The following UST variants were observed in gnomAD, a reference collection of about 807,000 sequenced individuals.
UST encodes uronyl 2-sulfotransferase.
UST carries 21 observed loss-of-function variants against 45.6 expected under a neutral mutation model. The observed-to-expected ratio is 0.46, with a 90% CI of 0.33 to 0.66. UST has a LOEUF of 0.66. Ranked by LOEUF, UST falls within the 30% of genes least tolerant of loss-of-function variation. UST has a pLI of 0.02. For missense variants in UST, 463 were observed against 512.4 expected, an observed-to-expected ratio of 0.90 and a Z score of 0.93; for synonymous variants, 215 against 200.6, an observed-to-expected ratio of 1.07 and a Z score of -0.61.
At chr6:148,896,155 T>C (rs1476268496) in intron 2 of UST, among the ~76,000 whole-genome samples, 1 of 152,240 alleles carries the variant, frequency 6.6e-6, no homozygotes, top group Non-Finnish European at 1.5e-5. Flanking sequence ...AGTCCCCATT[T>C]CCCGGAGGGC....
chr6:148,888,076 G>C (rs529973214), intron 2 of UST, among the ~76,000 whole-genome samples: 2 of 152,126 alleles, frequency 1.3e-5, no homozygotes, highest in Non-Finnish European at 2.9e-5. Flanking sequence ...AATTCCACAG[G>C]CTGTATAGGA....
intron 4 of UST, chr6:148,959,127 C>T (rs917825914): frequency 6.6e-6 from 1 of 152,188 alleles, no homozygotes; most frequent in African/African-American, 2.4e-5. Flanking sequence ...GCATTTTGGA[C>T]ACCTTTTCTC....
chr6:148,980,327 CT>C (rs1781105331), intron 5 of UST, among the ~76,000 whole-genome samples: 1 of 152,172 alleles, frequency 6.6e-6, no homozygotes, highest in African/African-American at 2.4e-5. Flanking sequence ...CCCATCTTCT[CT>C]CCACGGCTGC....
chr6:148,893,886 C>T (rs1424825468), intron 2 of UST, among the ~76,000 whole-genome samples: 1 of 152,130 alleles, frequency 6.6e-6, no homozygotes, highest in Admixed American at 6.5e-5. Context: ...GGCATGGTGG[C>T]TTATGCCTCT....
At chr6:148,981,793 C>T (rs1052380576) in intron 5 of UST, among the ~76,000 whole-genome samples, 3 of 152,198 alleles carry the variant, frequency 2.0e-5, no homozygotes, top group Non-Finnish European at 2.9e-5. Context: ...CAAGCATCTC[C>T]GGTGCCTCTG....
intron 1 of UST, among the ~76,000 whole-genome samples, chr6:148,884,593 G>C (rs779443476): frequency 2.6e-5 from 4 of 152,098 alleles, no homozygotes; most frequent in Non-Finnish European, 4.4e-5. Flanking sequence ...GTGCATGGAG[G>C]GGGAGGTGGG....
intron 7 of UST, among the ~76,000 whole-genome samples, chr6:149,023,496 C>T (rs557085207): frequency 4.6e-5 from 7 of 152,310 alleles, no homozygotes; most frequent in Admixed American, 3.3e-4. Context: ...AACTAAGCTA[C>T]CCCTGAATTT....
At chr6:148,936,047 C>T (rs1780019683) in intron 2 of UST, among the ~76,000 whole-genome samples, 1 of 152,166 alleles carries the variant, frequency 6.6e-6, no homozygotes, top group African/African-American at 2.4e-5. Context: ...ATTCTCTTCA[C>T]TATTTGATTT....
chr6:148,792,057 G>A (rs1396167253), intron 1 of UST, among the ~76,000 whole-genome samples: 12 of 152,170 alleles, frequency 7.9e-5, no homozygotes, highest in Admixed American at 7.2e-4. Flanking sequence ...AGCGGGGAAA[G>A]TGGGTCTGAG....
At chr6:148,883,587 TG>T (rs1355696960) in intron 1 of UST, among the ~76,000 whole-genome samples, 1 of 152,210 alleles carries the variant, frequency 6.6e-6, no homozygotes, top group African/African-American at 2.4e-5. Context: ...AATCCTGACT[TG>T]GGTGCTCTGT....
At chr6:148,974,844 A>T (rs1308542259) in intron 5 of UST, among the ~76,000 whole-genome samples, 4 of 152,260 alleles carry the variant, frequency 2.6e-5, no homozygotes, top group Non-Finnish European at 1.5e-5. Flanking sequence ...AAAAGTTTGC[A>T]TATGCATCTC....
chr6:149,045,332 T>C (rs1194819148), intron 7 of UST, among the ~76,000 whole-genome samples: 2 of 152,254 alleles, frequency 1.3e-5, no homozygotes, highest in Non-Finnish European at 2.9e-5. Context: ...ACTTCATTTT[T>C]ACTTAAGATG....
chr6:148,793,593 A>C (rs1377821968), intron 1 of UST, among the ~76,000 whole-genome samples: 1 of 152,202 alleles, frequency 6.6e-6, no homozygotes, highest in African/African-American at 2.4e-5. Flanking sequence ...TGTTTCCACC[A>C]GCATCACCAC....
chr6:148,950,716 GA>G (rs1780347870), intron 3 of UST, among the ~76,000 whole-genome samples: 1 of 152,180 alleles, frequency 6.6e-6, no homozygotes, highest in East Asian at 1.9e-4. Context: ...ACTACTGAGG[GA>G]AACCTCCCTG....
intron 1 of UST, among the ~76,000 whole-genome samples, chr6:148,858,077 T>C: frequency 6.6e-6 from 1 of 152,154 alleles, no homozygotes; most frequent in East Asian, 1.9e-4. Context: ...TTTTTATTAG[T>C]CAGTGTTCTG....
chr6:148,823,561 T>C (rs143978051), intron 1 of UST, among the ~76,000 whole-genome samples: 269 of 152,354 alleles, frequency 1.8e-3, no homozygotes, highest in Non-Finnish European at 3.1e-3. Context: ...TGCCTTATCC[T>C]GTTACTCACA....
intron 1 of UST, among the ~76,000 whole-genome samples, chr6:148,838,897 A>G (rs1345314475): frequency 6.6e-6 from 1 of 152,104 alleles, no homozygotes; most frequent in Non-Finnish European, 1.5e-5. Flanking sequence ...CTCCAAAATA[A>G]AGGGGCCCCC....
intron 1 of UST, among the ~76,000 whole-genome samples, chr6:148,817,512 A>G (rs1395467812): frequency 6.6e-6 from 1 of 152,198 alleles, no homozygotes; most frequent in Non-Finnish European, 1.5e-5. Flanking sequence ...AGGTACATTA[A>G]GAAATACATT....
intron 1 of UST, among the ~76,000 whole-genome samples, chr6:148,860,757 A>T (rs1211454304): frequency 6.6e-6 from 1 of 152,148 alleles, no homozygotes; most frequent in Admixed American, 6.5e-5. Context: ...AGATAATCAC[A>T]TGGTTTTTGT....
Sources: gnomAD v4.1 joint callset for allele counts (sites outside exome capture counted in the v4.1 genomes callset) on GRCh38, gnomAD v4.1.1 for gene constraint, MANE v1.5 for transcripts, NCBI Gene and HGNC (gene_info 2026-07-23, HGNC 2026-07-21) for gene names.